Variants in ANKFN1 observed in about 807,000 individuals in gnomAD.
The protein encoded by ANKFN1 is ankyrin repeat and fibronectin type-III domain-containing protein 1.
A neutral mutation model predicts 108.7 loss-of-function variants in ANKFN1; 74 were observed. The observed-to-expected ratio is 0.68, with a 90% CI of 0.56 to 0.83. The LOEUF is 0.83. Among genes scored for constraint, ANKFN1 ranks in the 40% least tolerant of loss-of-function variants. The pLI is 0.00. For missense variants in ANKFN1, 1,505 were observed against 1,382.3 expected (o/e 1.09, Z -1.41); for synonymous variants, 547 against 516.2 (o/e 1.06, Z -0.81).
At chr17:56,357,386 A>G (rs1013465757) in intron 6 of ANKFN1, among the ~76,000 whole-genome samples, 1 of 152,214 alleles carries the variant, frequency 6.6e-6, no homozygotes, top group Admixed American at 6.5e-5. Flanking sequence ...CACATCCAGG[A>G]AATGAATAAG....
At chr17:56,294,313 C>T (rs1266465118) in intron 3 of ANKFN1, among the ~76,000 whole-genome samples, 1 of 152,162 alleles carries the variant, frequency 6.6e-6, no homozygotes, top group Non-Finnish European at 1.5e-5. Flanking sequence ...GATAGATCCA[C>T]AGCACTATGG....
At chr17:56,493,093 C>A (rs910678304) in intron 19 of ANKFN1, among the ~76,000 whole-genome samples, 11 of 152,074 alleles carry the variant, frequency 7.2e-5, no homozygotes, top group Non-Finnish European at 1.3e-4. Context: ...ATTTGATAAA[C>A]CTTTATTAAA....
intron 4 of ANKFN1, among the ~76,000 whole-genome samples, chr17:56,083,120 T>A (rs1250940242): frequency 6.6e-6 from 1 of 151,302 alleles, no homozygotes; most frequent in African/African-American, 2.4e-5. Flanking sequence ...TGAAATCACA[T>A]ATGCAAATGG....
At chr17:56,503,115 A>G (rs764256757) in intron 20 of ANKFN1, among the ~76,000 whole-genome samples, 30 of 135,952 alleles carry the variant, frequency 2.2e-4, no homozygotes, top group Non-Finnish European at 3.6e-4. Context: ...CTGTGGATAT[A>G]GTGGTCACAG....
chr17:56,351,731 A>C (rs1343146023), intron 5 of ANKFN1, among the ~76,000 whole-genome samples: 2 of 152,202 alleles, frequency 1.3e-5, no homozygotes, highest in Non-Finnish European at 2.9e-5. Context: ...GAATGGCGTA[A>C]ATAGTGGAAC....
intron 11 of ANKFN1, among the ~76,000 whole-genome samples, chr17:56,455,886 A>G (rs1433857561): frequency 1.3e-5 from 2 of 152,200 alleles, no homozygotes; most frequent in African/African-American, 4.8e-5. Context: ...TTTTTGAGCA[A>G]TTCTTTTCAC....
At chr17:56,123,824 T>TGA (rs766109348) in intron 4 of ANKFN1, among the ~76,000 whole-genome samples, 1 of 135,940 alleles carries the variant, frequency 7.4e-6, no homozygotes, top group Admixed American at 7.3e-5. Context: ...TGTGTGTGTG[T>TGA]GACAGAGAGA....
At chr17:56,288,514 C>T (rs1225775178) in intron 3 of ANKFN1, among the ~76,000 whole-genome samples, 1 of 151,934 alleles carries the variant, frequency 6.6e-6, no homozygotes, top group Non-Finnish European at 1.5e-5. Context: ...ATTATTCTTA[C>T]AATCAGAAAA....
rs536130821 is a variant in ANKFN1 at position 56,478,051 on chromosome 17, T to A, written c.1940+397T>A. Among the ~76,000 whole-genome samples the A allele has an allele frequency of 1.1e-4, 17 of 152,324 alleles. No homozygotes were observed. The South Asian group carries it at 1.9e-3, about 17-fold the overall frequency. On this transcript the variant is annotated intron_variant, in intron 16 of 20. Coordinates refer to ENST00000682825, the MANE Select transcript of ANKFN1 (RefSeq NM_001370326.1). ...CATGTTGGTCGGGCTGGTCTCGAAC[T>A]GCTGACCTCAGGTGATCCATTTGCC... is the stretch of plus-strand genomic sequence containing the variant.
chr17:56,319,197 T>C (rs2045293318), intron 3 of ANKFN1, among the ~76,000 whole-genome samples: 1 of 152,226 alleles, frequency 6.6e-6, no homozygotes, highest in South Asian at 2.1e-4. Context: ...AGTCACCTCA[T>C]GGATTCCAGC....
chr17:56,243,308 C>T (rs990761707), intron 3 of ANKFN1, among the ~76,000 whole-genome samples: 1 of 152,082 alleles, frequency 6.6e-6, no homozygotes, highest in African/African-American at 2.4e-5. Flanking sequence ...AGGGCCTCAC[C>T]CAAGACTGCC....
At chr17:56,176,203 G>C (rs1304987374) in intron 1 of ANKFN1, among the ~76,000 whole-genome samples, 1 of 152,030 alleles carries the variant, frequency 6.6e-6, no homozygotes, top group Non-Finnish European at 1.5e-5. Context: ...AAAGAGGCTA[G>C]GGAGTCAGGG....
intron 4 of ANKFN1, among the ~76,000 whole-genome samples, chr17:56,057,406 TAAG>T (rs1904898373): frequency 6.6e-6 from 1 of 152,208 alleles, no homozygotes; most frequent in African/African-American, 2.4e-5. Flanking sequence ...GCGATATACT[TAAG>T]AAGTATATTT....
chr17:56,498,823 T>C, intron 19 of ANKFN1, 59 bp from the exon 20 acceptor site: 1 of 1,373,710 alleles, frequency 7.3e-7, no homozygotes, highest in East Asian at 2.5e-5. Flanking sequence ...CTCAGGGAAA[T>C]GTATTCCTTT....
chr17:56,285,239 T>C (rs191967015), intron 3 of ANKFN1, among the ~76,000 whole-genome samples: 96 of 152,254 alleles, frequency 6.3e-4, no homozygotes, highest in Middle Eastern at 3.4e-3. Context: ...TCCTAGTCTC[T>C]AAAGAGTATG....
intron 2 of ANKFN1, among the ~76,000 whole-genome samples, chr17:56,219,055 A>G (rs954256623): frequency 6.6e-5 from 10 of 152,296 alleles, no homozygotes; most frequent in Non-Finnish European, 1.0e-4. Context: ...GACTGACTAC[A>G]AATGCCTCAA....
intron 3 of ANKFN1, among the ~76,000 whole-genome samples, chr17:56,268,267 A>G (rs1436338795): frequency 6.6e-6 from 1 of 152,206 alleles, no homozygotes; most frequent in African/African-American, 2.4e-5. Context: ...ATAGAAATCA[A>G]TACCAAAATA....
chr17:56,410,777 T>C (rs1017237133), intron 8 of ANKFN1, among the ~76,000 whole-genome samples: 2 of 152,180 alleles, frequency 1.3e-5, no homozygotes, highest in African/African-American at 2.4e-5. Context: ...ATTGAAGAGA[T>C]TGTCTTTTCT....
chr17:56,299,027 A>T lies in ANKFN1; in HGVS notation c.54-27194A>T, dbSNP rs573830038. 2.0e-5 allele frequency among the ~76,000 whole-genome samples: 3 copies of T among 152,360 alleles called. No homozygotes were observed. In the South Asian group the frequency reaches 6.2e-4, roughly 32 times the overall value. On this transcript the variant is annotated intron_variant, in intron 3 of 20. Coordinates refer to ENST00000682825, the MANE Select transcript of ANKFN1 (RefSeq NM_001370326.1). ...GTCCCAGCCAACAAGGCAAGAGGCTATGTTGTGCAAAAACGTACACCTTTA... is the reference window on the plus strand; with the variant it reads ...GTCCCAGCCAACAAGGCAAGAGGCTTTGTTGTGCAAAAACGTACACCTTTA...
Sources: allele counts gnomAD v4.1 joint callset (sites outside exome capture counted in the v4.1 genomes callset), GRCh38; gene constraint gnomAD v4.1.1; transcripts MANE v1.5; gene names NCBI Gene and HGNC (gene_info 2026-07-23, HGNC 2026-07-21).